The following LAX1 variants were observed in gnomAD, a reference collection of about 807,000 sequenced individuals.
The protein encoded by LAX1 is lymphocyte transmembrane adapter 1.
LAX1 carries 17 observed loss-of-function variants against 20.7 expected under a neutral mutation model. The ratio of observed to expected loss-of-function variants is 0.82; its 90% CI spans 0.56 to 1.23. The LOEUF (loss-of-function observed/expected upper bound fraction) is 1.23. Ranked by LOEUF, LAX1 falls within the 50% of genes most tolerant of loss-of-function variation. LAX1 has a pLI of 0.00. For synonymous variants in LAX1, 165 were observed against 181.0 expected (o/e 0.91, Z 0.71); for missense variants, 470 against 487.0 (o/e 0.97, Z 0.33).
rs1667510037 is a variant in LAX1 at position 203,776,303 on chromosome 1, G to T, written c.*1622G>T. 1 of 148,508 alleles carries T rather than the reference G, an allele frequency of 6.7e-6. No individual in the cohort carries two copies. Among genetic ancestry groups the T allele is most frequent in the South Asian group, 2.1e-4 (1 of 4,708 alleles). The allele number at this position is 148,508 out of a possible 1,614,324, so 9.2% of individuals were successfully genotyped here. A position where few individuals can be genotyped will look rare whatever the true frequency, so the allele number is the denominator to read the frequency against. On this transcript the variant is annotated 3_prime_UTR_variant, in exon 5 of 5. Transcript: ENST00000442561. ...GAGGCAGGAGAATCACTTGAACCAGGAAGGCGGACTGCATTCCAGCCTGGG... is the reference window on the plus strand; with the variant it reads ...GAGGCAGGAGAATCACTTGAACCAGTAAGGCGGACTGCATTCCAGCCTGGG...
chr1:203,768,619 G>A (rs778098968), intron 1 of LAX1, among the ~76,000 whole-genome samples: 5 of 152,204 alleles, frequency 3.3e-5, no homozygotes, highest in African/African-American at 7.2e-5. Context: ...AGATCATATC[G>A]TGCCGTCAAG....
In LAX1 at chr1:203,775,817, C is replaced by T. The variant is rs566728234; in HGVS notation, c.*1136C>T. On this transcript the variant is annotated 3_prime_UTR_variant, in exon 5 of 5. Coordinates refer to ENST00000442561, the MANE Select transcript of LAX1 (RefSeq NM_017773.4). ...TTTTGCTAAGTGAAAGAAGCTAGGC[C>T]TAAAAGTCTACATGTTGGGCGATTC... is the stretch of plus-strand genomic sequence containing the variant. 2 of 152,226 alleles carry T rather than the reference C, an allele frequency of 1.3e-5. No homozygotes were observed. The highest frequency in any genetic ancestry group is 2.9e-5 in the Non-Finnish European group (2 of 68,030). The allele number at this position is 152,226 out of a possible 1,614,324, so 9.4% of individuals were successfully genotyped here.
rs186972369 is a variant in LAX1, at chr1:203,773,272, A to T, written c.391-603A>T. ...TGTGTGTCTGCTGCCCGGTAACAGA[A>T]CATACACTGTCACTACTAAAAATAC... On this transcript the variant is annotated intron_variant, in intron 4 of 4. Coordinates refer to ENST00000442561, the MANE Select transcript of LAX1 (RefSeq NM_017773.4). Among the ~76,000 whole-genome samples, 3 of 152,186 alleles carry T rather than the reference A, an allele frequency of 2.0e-5. No homozygotes were observed. The East Asian group carries it at 5.8e-4, about 29-fold the overall frequency.
At position 203,774,436 on chromosome 1, in the gene LAX1, A is replaced by G. The variant is rs192117706; in HGVS notation, c.952A>G (p.Ile318Val). The G allele has an allele frequency of 1.9e-6, 3 of 1,614,248 alleles. No homozygotes were observed. The highest frequency in any genetic ancestry group is 1.1e-5 in the South Asian group (1 of 91,088). ...TGAGAAAGATGTGCCATCCTCAAAC[A>G]TAGGTCATGTCGAGGACAAGACAGA... ...QAEKDVPSSNIGHVEDKTDDP... is the reference protein window; with the variant it reads ...QAEKDVPSSNVGHVEDKTDDP... The change falls in exon 5 of 5, where the codon ATA (isoleucine) becomes GTA (valine). Residue 318 changes from isoleucine to valine, a missense_variant. Coordinates refer to ENST00000442561, the MANE Select transcript of LAX1 (RefSeq NM_017773.4).
chr1:203,771,675 G>T (rs3737975), intron 3 of LAX1, among the ~76,000 whole-genome samples, 198 bp downstream of exon 3: 7 of 152,132 alleles, frequency 4.6e-5, no homozygotes, highest in South Asian at 2.1e-4. Context: ...GGGAGCAGAG[G>T]GTCATCTGGG....
chr1:203,765,225 C>A lies in LAX1; in HGVS notation c.-341C>A, dbSNP rs1229146908. On this transcript the variant is annotated 5_prime_UTR_variant, in exon 1 of 5. Coordinates refer to ENST00000442561, the MANE Select transcript of LAX1 (RefSeq NM_017773.4). The stretch of plus-strand genomic sequence containing the variant: ...GAAGGAAGACGAGCTTCTCACGGAG[C>A]CTCTCTTGAGCCTCTTGGCAGTTTC... The A allele has an allele frequency of 1.3e-5, 11 of 846,362 alleles. No individual in the cohort carries two copies. The highest frequency in any genetic ancestry group is 9.3e-5 in the Admixed American group (4 of 43,236). The allele number at this position is 846,362 out of a possible 1,614,324, so 52.4% of individuals were successfully genotyped here.
chr1:203,766,308 A>C (rs928370645), intron 1 of LAX1, among the ~76,000 whole-genome samples: 1 of 152,104 alleles, frequency 6.6e-6, no homozygotes, highest in Non-Finnish European at 1.5e-5. Context: ...AACATGGTGA[A>C]ACCCCGTTTC....
chr1:203,773,792 TGCC>T, intron 4 of LAX1, 80 bp from the exon 5 acceptor site: 1 of 285,674 alleles, frequency 3.5e-6, no homozygotes, highest in Non-Finnish European at 6.8e-6. Context: ...TTTCAGAATA[TGCC>T]AGTGGTATTT....
chr1:203,774,243 TTCAC>T lies in LAX1; in HGVS notation c.763_766del (p.Leu255AlafsTer16). On this transcript the variant is annotated frameshift_variant, in exon 5 of 5. Transcript: ENST00000442561. LOFTEE classifies it low-confidence loss of function (END_TRUNC). ...ATTCTCCAGGAGCTGAGGACAGTGA[TTCAC>T]TCAGCAATGGAGAAGGTTCTTCTCA... 6.2e-7 allele frequency: 1 copy of T among 1,614,150 alleles called. No homozygotes were observed. Among genetic ancestry groups the T allele is most frequent in the South Asian group, 1.1e-5 (1 of 91,074 alleles).
Position 203,770,509 on chromosome 1 carries a change from G to GA in LAX1, c.90-319_90-318insA, listed in dbSNP as rs1667397905. Among the ~76,000 whole-genome samples the GA allele has an allele frequency of 8.4e-5, 7 of 83,536 alleles. 1 individual carries two copies. Among genetic ancestry groups the GA allele is most frequent in the African/African-American group, 3.2e-4 (7 of 21,680 alleles). The allele number at this position is 83,536 out of a possible 152,430, so 54.8% of individuals were successfully genotyped here. On this transcript the variant is annotated intron_variant, in intron 1 of 4. Coordinates refer to ENST00000442561, the MANE Select transcript of LAX1 (RefSeq NM_017773.4). ...AGGAAGGAAGGAAGGAAGGAAGGAA[G>GA]GAAGAAAGAAAGAAAGAAAGAAAGA...
chr1:203,767,338 A>C (rs1571802018), intron 1 of LAX1, among the ~76,000 whole-genome samples: 9 of 73,166 alleles, frequency 1.2e-4, no homozygotes, highest in Admixed American at 2.3e-4. Flanking sequence ...ACAAAGTTTC[A>C]CTCTTGTTGC....
In LAX1 at chr1:203,765,604, G is replaced by A; in HGVS notation, c.39G>A (p.Gly13=). 1 of 1,614,134 alleles carries A rather than the reference G, an allele frequency of 6.2e-7. No individual in the cohort carries two copies. The highest frequency in any genetic ancestry group is 1.1e-5 in the South Asian group (1 of 91,070). Reference sequence around the variant, plus strand: ...CTCCAACCCTTTCGACAATCAGAGGGAGGACCTTGGAGTCCAGCACTCTGC... The same window carrying A: ...CTCCAACCCTTTCGACAATCAGAGGAAGGACCTTGGAGTCCAGCACTCTGC... ...GVTPTLSTIR[G]RTLESSTLHV... The change falls in exon 1 of 5, where the codon GGG becomes GGA. Residue 13 remains glycine (G), a synonymous_variant. Coordinates refer to ENST00000442561, the MANE Select transcript of LAX1 (RefSeq NM_017773.4).
intron 1 of LAX1, among the ~76,000 whole-genome samples, chr1:203,768,470 A>C (rs1356894038): frequency 6.6e-6 from 1 of 152,200 alleles, no homozygotes; most frequent in Non-Finnish European, 1.5e-5. Context: ...TCAGCCATGC[A>C]GACAGCTGGG....
intron 1 of LAX1, among the ~76,000 whole-genome samples, chr1:203,765,987 A>G (rs894483335): frequency 3.3e-5 from 5 of 152,172 alleles, no homozygotes; most frequent in Non-Finnish European, 7.4e-5. Context: ...GACAGAAACA[A>G]AAGGCTGAGT....
intron 1 of LAX1, among the ~76,000 whole-genome samples, chr1:203,766,945 T>C (rs1035353474): frequency 2.6e-5 from 4 of 152,102 alleles, no homozygotes; most frequent in African/African-American, 9.7e-5. Flanking sequence ...AGCCTCCACC[T>C]CCCAGGTTCA....
intron 2 of LAX1, 133 bp downstream of exon 2, chr1:203,771,070 C>T (rs188243392): frequency 4.1e-5 from 30 of 734,362 alleles, no homozygotes; most frequent in Non-Finnish European, 7.0e-5. Context: ...ATACATTGGC[C>T]ATTGCCTCAC....
chr1:203,765,323 C>A lies in LAX1; in HGVS notation c.-243C>A, dbSNP rs1558068191. On this transcript the variant is annotated 5_prime_UTR_variant, in exon 1 of 5. Transcript: ENST00000442561. The stretch of plus-strand genomic sequence containing the variant: ...CACAGATTCTCCCTGAGCCACCTCA[C>A]TTGGAAGCACCATGTCCGGATGAGA... The A allele has an allele frequency of 6.4e-7, 1 of 1,551,158 alleles. No individual in the cohort carries two copies. Among genetic ancestry groups the A allele is most frequent in the African/African-American group, 1.4e-5 (1 of 73,044 alleles).
chr1:203,773,080 A>G (rs1667448107), intron 4 of LAX1, among the ~76,000 whole-genome samples: 1 of 152,190 alleles, frequency 6.6e-6, no homozygotes, highest in Admixed American at 6.6e-5. Context: ...CAACAATGCC[A>G]TTGGTGCTCA....
chr1:203,773,926 A>C lies in LAX1; in HGVS notation c.442A>C (p.Thr148Pro). Residue 148 changes from threonine (T) to proline (P), a missense_variant, in exon 5 of 5, where the codon ACA (threonine) becomes CCA (proline). Thr to Pro is a conservative substitution (Grantham distance 38). Transcript: ENST00000442561. Reference sequence around the variant, plus strand: ...GGAGCATACAGCCCACATCCATGCCACAGAGTACGCGGTGGGTATCTATGA... The same window carrying C: ...GGAGCATACAGCCCACATCCATGCCCCAGAGTACGCGGTGGGTATCTATGA... ...FQEHTAHIHA[T>P]EYAVGIYDNA... 1 of 1,613,832 alleles carries C rather than the reference A, an allele frequency of 6.2e-7. No homozygotes were observed. The highest frequency in any genetic ancestry group is 8.5e-7 in the Non-Finnish European group (1 of 1,179,950).
Sources: gnomAD v4.1 joint callset for allele counts (sites outside exome capture counted in the v4.1 genomes callset) on GRCh38, gnomAD v4.1.1 for gene constraint, MANE v1.5 for transcripts, NCBI Gene and HGNC (gene_info 2026-07-23, HGNC 2026-07-21) for gene names.